Variants in DOCK2 observed in about 807,000 individuals in gnomAD.
The protein encoded by DOCK2 is dedicator of cytokinesis 2.
A neutral mutation model predicts 248.9 loss-of-function variants in DOCK2; 87 were observed. The ratio of observed to expected loss-of-function variants is 0.35; its 90% CI spans 0.29 to 0.42. The LOEUF is 0.42. Among genes scored for constraint, DOCK2 ranks in the 10% least tolerant of loss-of-function variants. DOCK2 has a pLI of 1.00. For missense variants in DOCK2, 1,747 were observed against 2,300.2 expected, an observed-to-expected ratio of 0.76 and a Z score of 4.92; for synonymous variants, 805 against 821.6, an observed-to-expected ratio of 0.98 and a Z score of 0.35.
At chr5:170,025,872 C>T (rs192878415) in intron 33 of DOCK2, among the ~76,000 whole-genome samples, 4 of 143,856 alleles carry the variant, frequency 2.8e-5, no homozygotes, top group East Asian at 4.2e-4. Flanking sequence ...TCCATTTGTC[C>T]GTCCATCCAT....
chr5:170,045,431 G>T lies in DOCK2; in HGVS notation c.3877-385G>T, dbSNP rs1756672673. ...GCAAGGCCCTGGAGACACACACGGG[G>T]GCTTGCATCCTGACCCTGCTTTTAG... On this transcript the variant is annotated intron_variant, in intron 38 of 51. Coordinates refer to ENST00000520908, the MANE Select transcript of DOCK2 (RefSeq NM_004946.3). Among the ~76,000 whole-genome samples the T allele has an allele frequency of 2.0e-5, 3 of 152,108 alleles. 1 individual carries two copies. Among genetic ancestry groups the T allele is most frequent in the Non-Finnish European group, 4.4e-5 (3 of 68,022 alleles).
chr5:169,698,516 C>T, intron 11 of DOCK2, 67 bp downstream of exon 11: 1 of 1,554,820 alleles, frequency 6.4e-7, no homozygotes. Context: ...GCTGCTGGAG[C>T]TCAGAGGGTA....
chr5:170,047,719 C>G (rs1756765213), intron 40 of DOCK2, 105 bp downstream of exon 40: 1 of 1,019,174 alleles, frequency 9.8e-7, no homozygotes, highest in African/African-American at 1.6e-5. Flanking sequence ...AAGCGGTGCT[C>G]TTCTCTGTCT....
intron 41 of DOCK2, among the ~76,000 whole-genome samples, chr5:170,054,415 C>T: frequency 6.6e-6 from 1 of 152,178 alleles, no homozygotes; most frequent in Non-Finnish European, 1.5e-5. Context: ...TTCAGTTTGC[C>T]ATATTGTCAG....
At chr5:169,793,875 G>A (rs1458838683) in intron 25 of DOCK2, among the ~76,000 whole-genome samples, 3 of 152,084 alleles carry the variant, frequency 2.0e-5, no homozygotes, top group African/African-American at 7.2e-5. Flanking sequence ...GTGCCTCCCT[G>A]AAATCAGTGC....
At position 169,723,390 on chromosome 5, in the gene DOCK2, C is replaced by G. The variant is rs115977726; in HGVS notation, c.2267+4599C>G. On this transcript the variant is annotated intron_variant, in intron 22 of 51. Transcript: ENST00000520908. ...TAAAGCTCAATTTCCTCATATGTAACACGGTCATAATAGTACCTACCATAC... is the reference window on the plus strand; with the variant it reads ...TAAAGCTCAATTTCCTCATATGTAAGACGGTCATAATAGTACCTACCATAC... 5.3e-3 allele frequency among the ~76,000 whole-genome samples: 803 copies of G among 152,290 alleles called. 11 individuals are homozygous for G. The highest frequency in any genetic ancestry group is 0.019 in the African/African-American group (776 of 41,556).
intron 32 of DOCK2, among the ~76,000 whole-genome samples, chr5:170,014,989 A>G (rs1313854374): frequency 6.6e-6 from 1 of 152,220 alleles, no homozygotes; most frequent in African/African-American, 2.4e-5. Context: ...TAGGGAAGAT[A>G]AATCCATCTG....
At chr5:169,868,001 G>A (rs1771700550) in intron 27 of DOCK2, among the ~76,000 whole-genome samples, 1 of 152,192 alleles carries the variant, frequency 6.6e-6, no homozygotes, top group African/African-American at 2.4e-5. Context: ...CCTAGCTCCT[G>A]AAATAGCCCT....
intron 26 of DOCK2, among the ~76,000 whole-genome samples, chr5:169,809,932 T>C (rs557617666): frequency 5.4e-4 from 83 of 152,310 alleles, no homozygotes; most frequent in Non-Finnish European, 1.0e-3. Flanking sequence ...CTCTTCTCCA[T>C]GTCTCTTGTG....
chr5:169,866,883 G>A (rs1454863002), intron 27 of DOCK2, among the ~76,000 whole-genome samples: 1 of 152,212 alleles, frequency 6.6e-6, no homozygotes, highest in Non-Finnish European at 1.5e-5. Flanking sequence ...GTGGCCACCA[G>A]TTGGGTGTCT....
At chr5:170,076,864 G>A (rs1757857578) in intron 47 of DOCK2, among the ~76,000 whole-genome samples, 1 of 152,080 alleles carries the variant, frequency 6.6e-6, no homozygotes, top group Admixed American at 6.5e-5. Flanking sequence ...CAATTCTGGT[G>A]CTAACTCCCT....
chr5:169,646,297 T>C (rs2113121556), intron 1 of DOCK2, among the ~76,000 whole-genome samples: 1 of 152,340 alleles, frequency 6.6e-6, no homozygotes, highest in East Asian at 1.9e-4. Flanking sequence ...TCCATTGGTC[T>C]ATATATCTGT....
chr5:170,065,953 G>GT (rs34658795), intron 44 of DOCK2, among the ~76,000 whole-genome samples: 34,850 of 133,052 alleles, frequency 0.26, 5,102 homozygotes, highest in African/African-American at 0.35. Flanking sequence ...AATGAAAACT[G>GT]TTTTTTTTTT....
chr5:169,699,621 T>A (rs901070945), intron 12 of DOCK2, among the ~76,000 whole-genome samples, 163 bp downstream of exon 12: 2 of 152,206 alleles, frequency 1.3e-5, no homozygotes, highest in African/African-American at 4.8e-5. Flanking sequence ...AAGTCACATT[T>A]TCTGAAGAAA....
chr5:170,079,218 A>C (rs1581580532), intron 49 of DOCK2, 72 bp downstream of exon 49: 1 of 1,540,696 alleles, frequency 6.5e-7, no homozygotes, highest in Non-Finnish European at 8.8e-7. Context: ...CACAAAACCC[A>C]GGGCTTCCAG....
At chr5:170,057,556 T>C in intron 43 of DOCK2, 24 bp from the exon 44 acceptor site, 2 of 1,610,602 alleles carry the variant, frequency 1.2e-6, no homozygotes, top group South Asian at 1.1e-5. Context: ...TTCCTGCCCT[T>C]GCCACCCCTC....
At chr5:169,750,896 T>C (rs1763860187) in intron 23 of DOCK2, among the ~76,000 whole-genome samples, 1 of 152,156 alleles carries the variant, frequency 6.6e-6, no homozygotes, top group South Asian at 2.1e-4. Flanking sequence ...TGTCAGCAAA[T>C]CCCACACAAG....
At chr5:169,854,974 G>A (rs1221781097) in intron 27 of DOCK2, among the ~76,000 whole-genome samples, 1 of 152,176 alleles carries the variant, frequency 6.6e-6, no homozygotes, top group Non-Finnish European at 1.5e-5. Flanking sequence ...TTATAGAGAG[G>A]AGGTGACATT....
intron 30 of DOCK2, chr5:169,998,036 TA>T (rs111317784): frequency 3.9e-5 from 18 of 456,316 alleles, no homozygotes; most frequent in African/African-American, 2.6e-4. Context: ...TAAGGTCCCA[TA>T]AGTTTCTGTT....
Sources: gnomAD v4.1 joint callset for allele counts (sites outside exome capture counted in the v4.1 genomes callset) on GRCh38, gnomAD v4.1.1 for gene constraint, MANE v1.5 for transcripts, NCBI Gene and HGNC (gene_info 2026-07-23, HGNC 2026-07-21) for gene names.